The following GRB10 variants were observed in gnomAD, a reference collection of about 807,000 sequenced individuals.
GRB10 encodes growth factor receptor-bound protein 10.
In GRB10, 20 loss-of-function variants were observed where a neutral mutation model predicts 80.9. The observed-to-expected ratio is 0.25, with a 90% CI of 0.17 to 0.36. GRB10 has a LOEUF of 0.36. Among genes scored for constraint, GRB10 ranks in the 10% least tolerant of loss-of-function variants. The probability of loss-of-function intolerance (pLI) is 1.00; values close to 1 mark genes in which losing one functional copy is unlikely to be tolerated. For missense variants in GRB10, 548 were observed against 747.7 expected (o/e 0.73, Z 3.12); for synonymous variants, 291 against 291.5 (o/e 1.00, Z 0.02).
At chr7:50,739,387 G>C (rs2329425) in intron 3 of GRB10, among the ~76,000 whole-genome samples, 11,627 of 152,158 alleles carry the variant, frequency 0.076, 1,477 homozygotes, top group African/African-American at 0.26. Context: ...GTTTATGGTG[G>C]ATTTAAACTG....
At chr7:50,725,381 G>A (rs1203445836) in intron 4 of GRB10, among the ~76,000 whole-genome samples, 3 of 152,086 alleles carry the variant, frequency 2.0e-5, no homozygotes, top group African/African-American at 7.2e-5. Flanking sequence ...TACAGGCTGC[G>A]GAACTATGAG....
Position 50,729,832 on chromosome 7 carries a change from T to G in GRB10, c.51+2440A>C, listed in dbSNP as rs145303602. On this transcript the variant is annotated intron_variant, in intron 4 of 18. Transcript: ENST00000401949. The stretch of plus-strand genomic sequence containing the variant: ...GCTATCTCACTTGCCAGTTGTTCCA[T>G]GTCTGTCTCCTCCACTGGAATCCAG... Among the ~76,000 whole-genome samples the G allele has an allele frequency of 5.3e-5, 8 of 150,610 alleles. No individual in the cohort carries two copies. In the East Asian group the frequency reaches 1.6e-3, roughly 30 times the overall value.
rs577492692 is a variant in GRB10 at position 50,634,561 on chromosome 7, T to C, written c.505-7583A>G. 3.3e-5 allele frequency among the ~76,000 whole-genome samples: 5 copies of C among 152,240 alleles called. No individual in the cohort carries two copies. In the South Asian group the frequency reaches 8.3e-4, roughly 25 times the overall value. Reference sequence around the variant, plus strand: ...TACCAATATTAATGTTGAACATAAATGGCCTAAATGTTCCATTTAAAAGAC... The same window carrying C: ...TACCAATATTAATGTTGAACATAAACGGCCTAAATGTTCCATTTAAAAGAC... On this transcript the variant is annotated intron_variant, in intron 7 of 18. Coordinates refer to ENST00000401949, the MANE Select transcript of GRB10 (RefSeq NM_001350814.2).
chr7:50,611,938 C>A (rs1378705422), intron 13 of GRB10, among the ~76,000 whole-genome samples: 1 of 152,200 alleles, frequency 6.6e-6, no homozygotes, highest in Non-Finnish European at 1.5e-5. Context: ...TTACAACTCA[C>A]AAGGACTCTG....
At chr7:50,619,144 C>T (rs758864418) in intron 9 of GRB10, 26 bp downstream of exon 9, 2 of 1,375,564 alleles carry the variant, frequency 1.5e-6, no homozygotes, top group South Asian at 1.2e-5. Context: ...AGTCCCAAAC[C>T]CCAAACCTGA....
At chr7:50,668,768 C>G (rs1586647305) in intron 7 of GRB10, among the ~76,000 whole-genome samples, 2 of 152,214 alleles carry the variant, frequency 1.3e-5, no homozygotes, top group African/African-American at 4.8e-5. Context: ...CCCTGCCAAC[C>G]GGTGGGGAGG....
At chr7:50,613,530 C>T (rs966386080) in intron 12 of GRB10, among the ~76,000 whole-genome samples, 1 of 152,168 alleles carries the variant, frequency 6.6e-6, no homozygotes, top group South Asian at 2.1e-4. Flanking sequence ...GAACCCCCGA[C>T]CTCAGACTCA....
intron 4 of GRB10, 55 bp from the exon 5 acceptor site, chr7:50,703,963 T>G: frequency 8.6e-7 from 1 of 1,156,468 alleles, no homozygotes; most frequent in Non-Finnish European, 1.3e-6. Flanking sequence ...AGCATCCCAC[T>G]CTTTTCAACA....
chr7:50,716,043 C>T (rs1014810681), intron 4 of GRB10, among the ~76,000 whole-genome samples: 2 of 152,122 alleles, frequency 1.3e-5, no homozygotes, highest in African/African-American at 2.4e-5. Context: ...GAGAGGAGAG[C>T]GCTCAAGAGA....
chr7:50,785,236 C>A (rs1421250181), upstream of GRB10, among the ~76,000 whole-genome samples: 1 of 152,218 alleles, frequency 6.6e-6, no homozygotes, highest in Non-Finnish European at 1.5e-5. Context: ...CTCACTCACA[C>A]AGGGCTCCTG....
intron 7 of GRB10, among the ~76,000 whole-genome samples, chr7:50,650,271 C>T (rs1311317593): frequency 1.3e-5 from 2 of 152,220 alleles, no homozygotes; most frequent in Admixed American, 6.5e-5. Flanking sequence ...GGCCACAAGG[C>T]CCCTTGATGA....
chr7:50,669,062 G>C lies in GRB10; in HGVS notation c.504+660C>G, dbSNP rs1490147457. 2.0e-5 allele frequency among the ~76,000 whole-genome samples: 3 copies of C among 152,216 alleles called. No homozygotes were observed. The East Asian group carries it at 5.8e-4, about 29-fold the overall frequency. On this transcript the variant is annotated intron_variant, in intron 7 of 18. Transcript: ENST00000401949. ...AACTCCTGTGTACTGACATCCAGGTGCCCGGGTGAGCCCAGCATTTTCACA... is the reference window on the plus strand; with the variant it reads ...AACTCCTGTGTACTGACATCCAGGTCCCCGGGTGAGCCCAGCATTTTCACA...
chr7:50,738,485 C>T (rs944863130), intron 3 of GRB10, among the ~76,000 whole-genome samples: 2 of 152,182 alleles, frequency 1.3e-5, no homozygotes, highest in African/African-American at 4.8e-5. Context: ...GTCACTCAGG[C>T]TGGAGAGCAG....
chr7:50,679,633 T>C (rs968068374), intron 5 of GRB10, among the ~76,000 whole-genome samples: 2 of 152,186 alleles, frequency 1.3e-5, no homozygotes, highest in Non-Finnish European at 2.9e-5. Context: ...CTTTCTCCAC[T>C]ACCCCCTTCC....
chr7:50,605,816 C>T (rs1030528827), intron 14 of GRB10, among the ~76,000 whole-genome samples: 2 of 152,156 alleles, frequency 1.3e-5, no homozygotes, highest in Admixed American at 1.3e-4. Context: ...CTTTCTGTGG[C>T]ACCATTTGGC....
At chr7:50,791,865 T>C (rs1220950932) in intron 1 of GRB10, among the ~76,000 whole-genome samples, 2 of 151,312 alleles carry the variant, frequency 1.3e-5, no homozygotes, top group Non-Finnish European at 2.9e-5. Flanking sequence ...TTTTCAGTGC[T>C]TTTACTTAAA....
rs754827020 is a variant in GRB10, at chr7:50,591,552, C to T, written c.*1400G>A. 1.3e-5 allele frequency: 2 copies of T among 152,286 alleles called. No homozygotes were observed. Among genetic ancestry groups the T allele is most frequent in the Non-Finnish European group, 2.9e-5 (2 of 68,074 alleles). The allele number at this position is 152,286 out of a possible 1,614,324, so 9.4% of individuals were successfully genotyped here. Reference sequence around the variant, plus strand: ...GGGATCAAAGGTAAGGAAATGGCCACTCTCACACCTGATCACTAAGCTAAG... The same window carrying T: ...GGGATCAAAGGTAAGGAAATGGCCATTCTCACACCTGATCACTAAGCTAAG... On this transcript the variant is annotated 3_prime_UTR_variant, in exon 19 of 19. Transcript: ENST00000401949.
chr7:50,685,505 A>G (rs373794058), intron 5 of GRB10, among the ~76,000 whole-genome samples: 1 of 152,200 alleles, frequency 6.6e-6, no homozygotes, highest in African/African-American at 2.4e-5. Flanking sequence ...CCCAAGCCCC[A>G]GCGTTCTGCA....
At chr7:50,647,669 C>T (rs1342928120) in intron 7 of GRB10, among the ~76,000 whole-genome samples, 1 of 152,202 alleles carries the variant, frequency 6.6e-6, no homozygotes, top group African/African-American at 2.4e-5. Flanking sequence ...TCAAAGGCAG[C>T]AAAAGATGCC....
Sources: gnomAD v4.1 joint callset for allele counts (sites outside exome capture counted in the v4.1 genomes callset) on GRCh38, gnomAD v4.1.1 for gene constraint, MANE v1.5 for transcripts, NCBI Gene and HGNC (gene_info 2026-07-23, HGNC 2026-07-21) for gene names.